The following SLC39A9 variants were observed in gnomAD, a reference collection of about 807,000 sequenced individuals.
SLC39A9 encodes solute carrier family 39 member 9, also known as zinc transporter ZIP9.
A neutral mutation model predicts 28.4 loss-of-function variants in SLC39A9; 14 were observed. The ratio of observed to expected loss-of-function variants is 0.49; its 90% CI spans 0.33 to 0.77. The LOEUF (loss-of-function observed/expected upper bound fraction) is 0.77. Ranked by LOEUF, SLC39A9 falls within the 30% of genes least tolerant of loss-of-function variation. The probability of loss-of-function intolerance (pLI) is 0.02; values close to 1 mark genes in which losing one functional copy is unlikely to be tolerated. For synonymous variants in SLC39A9, 119 were observed against 149.6 expected (o/e 0.80, Z 1.49); for missense variants, 283 against 381.1 (o/e 0.74, Z 2.14).
At chr14:69,438,873 A>C (rs1191402258) in intron 2 of SLC39A9, among the ~76,000 whole-genome samples, 2 of 152,238 alleles carry the variant, frequency 1.3e-5, no homozygotes, top group Non-Finnish European at 2.9e-5. Flanking sequence ...AGGTATGATT[A>C]ACTGTGGCTT....
rs1886059559 is a variant in SLC39A9 at position 69,460,305 on chromosome 14, T to C, written c.*1712T>C. ...CTGTGGAAATAAAGCTTGTGAGCCC[T>C]CTGCTGGCCACAGTGAGGAAAGTAG... On this transcript the variant is annotated 3_prime_UTR_variant, in exon 7 of 7. Coordinates refer to ENST00000336643, the MANE Select transcript of SLC39A9 (RefSeq NM_018375.5). 3 of 985,626 alleles carry C rather than the reference T, an allele frequency of 3.0e-6. No individual in the cohort carries two copies. The South Asian group carries it at 1.4e-4, about 46-fold the overall frequency. 61.1% of individuals were successfully genotyped at this position (985,626 alleles called of 1,614,324 possible).
rs60626412 is a variant in SLC39A9 at position 69,459,236 on chromosome 14, G to C, written c.*643G>C. The C allele has an allele frequency of 2.7e-3, 2,701 of 985,434 alleles. 58 individuals carry two copies. In the African/African-American group the frequency reaches 0.04, roughly 15 times the overall value. 61.0% of individuals were successfully genotyped at this position (985,434 alleles called of 1,614,324 possible). ...CTAGAGGGATTTAAACAGCTCCTTT[G>C]GCACGTGCCTCTCTGAATCCAGCCT... On this transcript the variant is annotated 3_prime_UTR_variant, in exon 7 of 7. Coordinates refer to ENST00000336643, the MANE Select transcript of SLC39A9 (RefSeq NM_018375.5).
chr14:69,448,347 A>G (rs1566923735), intron 3 of SLC39A9, among the ~76,000 whole-genome samples: 1 of 152,178 alleles, frequency 6.6e-6, no homozygotes, highest in Non-Finnish European at 1.5e-5. Context: ...CTTTGGAGGA[A>G]TATAACAAAA....
intron 1 of SLC39A9, among the ~76,000 whole-genome samples, chr14:69,419,159 C>T (rs1883745084): frequency 6.6e-6 from 1 of 152,202 alleles, no homozygotes; most frequent in African/African-American, 2.4e-5. Flanking sequence ...TTTCCCTCTA[C>T]ACACTGCTTT....
At position 69,428,220 on chromosome 14, in the gene SLC39A9, T is replaced by C. The variant is rs1428319307; in HGVS notation, c.205+4018T>C. 3.3e-5 allele frequency among the ~76,000 whole-genome samples: 5 copies of C among 149,728 alleles called. No homozygotes were observed. The East Asian group carries it at 9.8e-4, about 29-fold the overall frequency. On this transcript the variant is annotated intron_variant, in intron 2 of 6. Coordinates refer to ENST00000336643, the MANE Select transcript of SLC39A9 (RefSeq NM_018375.5). ...TGAACCTGGGAGGCGGAGGTTGCAG[T>C]GAGCCGAGATTGTGCCATGCACCCC...
Position 69,459,426 on chromosome 14 carries a change from C to T in SLC39A9, c.*833C>T. The T allele has an allele frequency of 1.0e-6, 1 of 985,376 alleles. No homozygotes were observed. The highest frequency in any genetic ancestry group is 1.2e-6 in the Non-Finnish European group (1 of 829,916). 61.0% of individuals were successfully genotyped at this position (985,376 alleles called of 1,614,324 possible). A position where few individuals can be genotyped will look rare whatever the true frequency, so the allele number is the denominator to read the frequency against. On this transcript the variant is annotated 3_prime_UTR_variant, in exon 7 of 7. Coordinates refer to ENST00000336643, the MANE Select transcript of SLC39A9 (RefSeq NM_018375.5). ...TCAGTTCTAGGCTTTCCTTCAAGAA[C>T]AGTCAGATCACAAAGTGTCTTTGGA... is the stretch of plus-strand genomic sequence containing the variant.
intron 4 of SLC39A9, chr14:69,454,591 G>A (rs1474113969): frequency 2.5e-6 from 1 of 397,744 alleles, no homozygotes; most frequent in South Asian, 9.5e-5. Flanking sequence ...TGGGCCAGAT[G>A]CTATGCTCTT....
intron 2 of SLC39A9, among the ~76,000 whole-genome samples, chr14:69,427,548 T>A (rs1259749201): frequency 6.6e-6 from 1 of 152,186 alleles, no homozygotes; most frequent in Non-Finnish European, 1.5e-5. Flanking sequence ...AAATACAGAA[T>A]AGTTTTGTCA....
chr14:69,408,990 C>T (rs1883093733), intron 1 of SLC39A9, among the ~76,000 whole-genome samples: 1 of 152,072 alleles, frequency 6.6e-6, no homozygotes, highest in South Asian at 2.1e-4. Context: ...TAACAGTAAC[C>T]TTGAAAGGGA....
At chr14:69,417,098 GT>G (rs1237713960) in intron 1 of SLC39A9, among the ~76,000 whole-genome samples, 1 of 152,084 alleles carries the variant, frequency 6.6e-6, no homozygotes, top group Non-Finnish European at 1.5e-5. Context: ...GGTTTTTATG[GT>G]TTTAGGTGTA....
chr14:69,452,120 T>TGAACTTCAGTATGTGCCTCACCA (rs1202159875), intron 3 of SLC39A9, among the ~76,000 whole-genome samples: 5 of 152,182 alleles, frequency 3.3e-5, no homozygotes, highest in African/African-American at 1.2e-4. Context: ...GTGCCAAGAA[T>TGAACTTCAGTATGTGCCTCACCA]TACAGGTGAG....
chr14:69,449,632 AAG>A (rs1491077197), intron 3 of SLC39A9, among the ~76,000 whole-genome samples: 5 of 152,266 alleles, frequency 3.3e-5, no homozygotes, highest in South Asian at 2.1e-4. Flanking sequence ...GTCTTAAAAA[AAG>A]AGAGAGAAAA....
intron 1 of SLC39A9, among the ~76,000 whole-genome samples, chr14:69,417,308 C>T (rs892705606): frequency 2.0e-5 from 3 of 152,092 alleles, no homozygotes; most frequent in African/African-American, 7.2e-5. Flanking sequence ...TTTCTGAGAC[C>T]TCTGTTCTGT....
At position 69,459,650 on chromosome 14, in the gene SLC39A9, C is replaced by G; in HGVS notation, c.*1057C>G. On this transcript the variant is annotated 3_prime_UTR_variant, in exon 7 of 7. Coordinates refer to ENST00000336643, the MANE Select transcript of SLC39A9 (RefSeq NM_018375.5). ...GCTTTGGCGACACTGTGTCTTCTCA[C>G]ATAACCACCTGTAGCAAGATGGATC... 1.0e-6 allele frequency: 1 copy of G among 984,624 alleles called. No individual in the cohort carries two copies. 61.0% of individuals were successfully genotyped at this position (984,624 alleles called of 1,614,324 possible).
chr14:69,403,955 A>G (rs1050875364), intron 1 of SLC39A9, among the ~76,000 whole-genome samples: 20 of 152,218 alleles, frequency 1.3e-4, no homozygotes, highest in African/African-American at 4.6e-4. Context: ...AGGCAGGAGA[A>G]TCGCTTGAAC....
chr14:69,424,025 A>G (rs1484015914), intron 1 of SLC39A9, 69 bp from the exon 2 acceptor site: 2 of 1,129,598 alleles, frequency 1.8e-6, no homozygotes, highest in Non-Finnish European at 2.7e-6. Context: ...TCTTGATTAC[A>G]GATACTTGAG....
At chr14:69,411,940 G>A (rs1424680030) in intron 1 of SLC39A9, among the ~76,000 whole-genome samples, 2 of 151,620 alleles carry the variant, frequency 1.3e-5, no homozygotes, top group Non-Finnish European at 2.9e-5. Context: ...ATGCCACCAT[G>A]CCCAGCTCAT....
At chr14:69,401,232 A>G (rs531027043) in intron 1 of SLC39A9, among the ~76,000 whole-genome samples, 1 of 152,198 alleles carries the variant, frequency 6.6e-6, no homozygotes, top group South Asian at 2.1e-4. Context: ...CTTTACCAGT[A>G]TTTCCTAGAG....
chr14:69,449,586 C>T (rs1361262113), intron 3 of SLC39A9, among the ~76,000 whole-genome samples: 2 of 152,078 alleles, frequency 1.3e-5, no homozygotes, highest in African/African-American at 4.8e-5. Context: ...GATTGTGCTA[C>T]TGTACTTCAG....
Sources: gnomAD v4.1 joint callset for allele counts (sites outside exome capture counted in the v4.1 genomes callset) on GRCh38, gnomAD v4.1.1 for gene constraint, MANE v1.5 for transcripts, NCBI Gene and HGNC (gene_info 2026-07-23, HGNC 2026-07-21) for gene names.